ATG16L1: variants seen among roughly 807,000 people sequenced by gnomAD.
The protein encoded by ATG16L1 is autophagy related 16 like 1.
Under a neutral mutation model 88.5 loss-of-function variants are expected in ATG16L1, and 37 were observed. The ratio of observed to expected loss-of-function variants is 0.42; its 90% CI spans 0.32 to 0.55. The LOEUF is 0.55. Ranked by LOEUF, ATG16L1 falls within the 20% of genes least tolerant of loss-of-function variation. ATG16L1 has a pLI of 0.13. For missense variants in ATG16L1, 554 were observed against 752.8 expected, an observed-to-expected ratio of 0.74 and a Z score of 3.09; for synonymous variants, 301 against 281.0, an observed-to-expected ratio of 1.07 and a Z score of -0.71.
chr2:233,287,810 G>A (rs570476155), intron 12 of ATG16L1, among the ~76,000 whole-genome samples: 4 of 152,168 alleles, frequency 2.6e-5, no homozygotes, highest in African/African-American at 4.8e-5. Flanking sequence ...CCTGGGAGGC[G>A]GAGGTTGCAG....
chr2:233,284,325 G>A (rs1248478513), intron 12 of ATG16L1, among the ~76,000 whole-genome samples: 2 of 150,906 alleles, frequency 1.3e-5, no homozygotes, highest in African/African-American at 2.4e-5. Flanking sequence ...TTTTTGTTTC[G>A]TTTTTTAAAT....
intron 1 of ATG16L1, among the ~76,000 whole-genome samples, chr2:233,252,238 A>C (rs1334420383): frequency 6.6e-6 from 1 of 152,236 alleles, no homozygotes. Flanking sequence ...TAGGTCCCAG[A>C]AACATCCCAT....
At chr2:233,263,078 T>TC in intron 2 of ATG16L1, 52 bp from the exon 3 acceptor site, 7 of 1,496,954 alleles carry the variant, frequency 4.7e-6, no homozygotes, top group South Asian at 1.2e-5. Context: ...GTCTCATTTT[T>TC]CCCCCTCCGT....
At chr2:233,278,164 G>A (rs1333054896) in intron 10 of ATG16L1, among the ~76,000 whole-genome samples, 1 of 152,190 alleles carries the variant, frequency 6.6e-6, no homozygotes, top group Admixed American at 6.5e-5. Flanking sequence ...TAGAAAAGAT[G>A]TATTTAACAG....
chr2:233,262,126 A>G (rs1697256117), intron 2 of ATG16L1, among the ~76,000 whole-genome samples: 1 of 152,184 alleles, frequency 6.6e-6, no homozygotes, highest in Admixed American at 6.5e-5. Context: ...GCTCAGGCCA[A>G]AAGCCTTGAT....
intron 12 of ATG16L1, among the ~76,000 whole-genome samples, chr2:233,285,805 C>T (rs1488922339): frequency 6.6e-6 from 1 of 152,218 alleles, no homozygotes; most frequent in African/African-American, 2.4e-5. Context: ...AACTCACAGA[C>T]ATCCATGCCC....
At chr2:233,290,182 G>A (rs1023967531) in intron 13 of ATG16L1, 66 bp from the exon 14 acceptor site, 5 of 1,550,272 alleles carry the variant, frequency 3.2e-6, no homozygotes, top group Non-Finnish European at 2.7e-6. Flanking sequence ...GTTAGAGGGT[G>A]GCAGCATTAT....
At chr2:233,293,992 A>G (rs1029583408) in intron 17 of ATG16L1, among the ~76,000 whole-genome samples, 3 of 152,194 alleles carry the variant, frequency 2.0e-5, no homozygotes, top group African/African-American at 4.8e-5. Context: ...CTCCTCTCTT[A>G]GGGAGAGTGT....
intron 14 of ATG16L1, among the ~76,000 whole-genome samples, chr2:233,291,679 T>A (rs1699473336): frequency 6.6e-6 from 1 of 151,840 alleles, no homozygotes; most frequent in African/African-American, 2.4e-5. Context: ...TATCTGGAGG[T>A]GGAGGGCCAC....
chr2:233,262,767 T>C lies in ATG16L1; in HGVS notation c.210-363T>C, dbSNP rs139431845. Among the ~76,000 whole-genome samples, 702 of 152,340 alleles carry C rather than the reference T, an allele frequency of 4.6e-3. 4 individuals are homozygous for C. Among genetic ancestry groups the C allele is most frequent in the Middle Eastern group, 0.02 (6 of 294 alleles). On this transcript the variant is annotated intron_variant, in intron 2 of 17. Coordinates refer to ENST00000392017, the MANE Select transcript of ATG16L1 (RefSeq NM_030803.7). ...GACCTCACACGTGCTCTCAGTTGAC[T>C]GTCAGCTGTGTGGAAGCAGAGCCCT...
At chr2:233,292,668 C>T (rs1435828351) in intron 16 of ATG16L1, among the ~76,000 whole-genome samples, 1 of 152,158 alleles carries the variant, frequency 6.6e-6, no homozygotes, top group Non-Finnish European at 1.5e-5. Flanking sequence ...TGGCTGGTTG[C>T]TTTGTTGTGG....
chr2:233,262,034 C>T (rs1011396333), intron 2 of ATG16L1, among the ~76,000 whole-genome samples: 1 of 152,160 alleles, frequency 6.6e-6, no homozygotes, highest in Non-Finnish European at 1.5e-5. Context: ...TGGCCACAAA[C>T]GAACTCTTTA....
At chr2:233,275,679 A>G in intron 9 of ATG16L1, 2 of 508,572 alleles carry the variant, frequency 3.9e-6, no homozygotes, top group Non-Finnish European at 7.9e-6. Flanking sequence ...GCCCCTTCCC[A>G]GTCCCACTCC....
At chr2:233,252,390 A>G (rs1696438219) in intron 1 of ATG16L1, among the ~76,000 whole-genome samples, 1 of 151,408 alleles carries the variant, frequency 6.6e-6, no homozygotes, top group Middle Eastern at 3.2e-3. Context: ...TTGCGGGGAA[A>G]CGGGATAGGG....
At chr2:233,261,042 G>A (rs566736915) in intron 2 of ATG16L1, among the ~76,000 whole-genome samples, 83 of 152,210 alleles carry the variant, frequency 5.5e-4, no homozygotes, top group African/African-American at 1.9e-3. Flanking sequence ...TGCAACCTCC[G>A]CCTTCCGGGT....
intron 5 of ATG16L1, among the ~76,000 whole-genome samples, chr2:233,268,017 A>T (rs1697729351): frequency 6.6e-6 from 1 of 152,196 alleles, no homozygotes; most frequent in Non-Finnish European, 1.5e-5. Flanking sequence ...TCCCCAGCTT[A>T]GATGTCCCTC....
At chr2:233,282,358 C>T (rs1698774414) in intron 11 of ATG16L1, among the ~76,000 whole-genome samples, 2 of 152,096 alleles carry the variant, frequency 1.3e-5, no homozygotes, top group South Asian at 4.2e-4. Context: ...GTCAAGGGTG[C>T]CTCTGAGGTT....
chr2:233,252,084 C>T (rs1337016935), intron 1 of ATG16L1, 142 bp downstream of exon 1: 4 of 592,984 alleles, frequency 6.7e-6, no homozygotes, highest in Non-Finnish European at 1.1e-5. Context: ...CTTGGGACGC[C>T]GCACGCCTTT....
chr2:233,264,656 C>T (rs931955834), intron 4 of ATG16L1, among the ~76,000 whole-genome samples: 2 of 152,110 alleles, frequency 1.3e-5, no homozygotes, highest in Non-Finnish European at 2.9e-5. Context: ...TCCCCTTTAC[C>T]AATCTAAGCA....
Sources: gnomAD v4.1 joint callset for allele counts (sites outside exome capture counted in the v4.1 genomes callset) on GRCh38, gnomAD v4.1.1 for gene constraint, MANE v1.5 for transcripts, NCBI Gene and HGNC (gene_info 2026-07-23, HGNC 2026-07-21) for gene names.